SLIT2: variants seen among roughly 807,000 people sequenced by gnomAD.
SLIT2 encodes the protein slit guidance ligand 2.
SLIT2 carries 41 observed loss-of-function variants against 185.7 expected under a neutral mutation model. The ratio of observed to expected loss-of-function variants is 0.22; its 90% confidence interval spans 0.17 to 0.29. SLIT2 has a LOEUF of 0.29. Among genes scored for constraint, SLIT2 ranks in the 10% least tolerant of loss-of-function variants. The probability of loss-of-function intolerance (pLI) is 1.00; values close to 1 mark genes in which losing one functional copy is unlikely to be tolerated. For synonymous variants in SLIT2, 693 were observed against 680.2 expected (o/e 1.02, Z -0.29); for missense variants, 1,571 against 1,909.0 (o/e 0.82, Z 3.30).
chr4:20,471,566 C>T (rs1715022702), intron 5 of SLIT2, among the ~76,000 whole-genome samples: 1 of 152,154 alleles, frequency 6.6e-6, no homozygotes, highest in Non-Finnish European at 1.5e-5. Context: ...AAAGAAGCTG[C>T]CCAGGCCATA....
intron 17 of SLIT2, among the ~76,000 whole-genome samples, chr4:20,533,046 A>C (rs1284707784): frequency 2.0e-5 from 3 of 152,228 alleles, no homozygotes; most frequent in Non-Finnish European, 4.4e-5. Flanking sequence ...GCATTGTAGT[A>C]GTTGGTATCA....
chr4:20,273,457 G>A (rs188976152), intron 4 of SLIT2, among the ~76,000 whole-genome samples: 1 of 151,986 alleles, frequency 6.6e-6, no homozygotes, highest in African/African-American at 2.4e-5. Flanking sequence ...CTCTCATCAA[G>A]TGTTTGATGT....
chr4:20,458,573 A>AT (rs2148725544), intron 4 of SLIT2, among the ~76,000 whole-genome samples: 1 of 152,254 alleles, frequency 6.6e-6, no homozygotes, highest in African/African-American at 2.4e-5. Flanking sequence ...GTCCCTAGGT[A>AT]TTTTTTATGG....
intron 11 of SLIT2, among the ~76,000 whole-genome samples, chr4:20,515,541 C>G (rs1412298687): frequency 6.6e-6 from 1 of 152,114 alleles, no homozygotes; most frequent in Non-Finnish European, 1.5e-5. Context: ...GCTGTTAACT[C>G]TCCTGCCCAG....
At chr4:20,533,748 A>G (rs2148865145) in intron 18 of SLIT2, 33 bp downstream of exon 18, 1 of 1,587,770 alleles carries the variant, frequency 6.3e-7, no homozygotes, top group Non-Finnish European at 8.6e-7. Flanking sequence ...CAGTTCTTCT[A>G]CCAAAGGATT....
intron 4 of SLIT2, among the ~76,000 whole-genome samples, chr4:20,283,928 C>A (rs1427373536): frequency 6.6e-6 from 1 of 152,162 alleles, no homozygotes; most frequent in African/African-American, 2.4e-5. Flanking sequence ...TATTCTTCTC[C>A]TTTGGTTTCC....
At chr4:20,572,596 G>GT (rs1725703359) in intron 29 of SLIT2, among the ~76,000 whole-genome samples, 1 of 151,942 alleles carries the variant, frequency 6.6e-6, no homozygotes, top group Admixed American at 6.6e-5. Flanking sequence ...TGGCACCCCT[G>GT]TTTTTTTAAA....
At position 20,488,907 on chromosome 4, in the gene SLIT2, A is replaced by C. The variant is rs765587775; in HGVS notation, c.700A>C (p.Thr234Pro). Residue 234 changes from threonine (T) to proline (P), a missense_variant, in exon 8 of 37, where the codon ACT (threonine) becomes CCT (proline). Physicochemically the swap from Thr to Pro is conservative, Grantham distance 38. Transcript: ENST00000504154. ...LRQRPRVGLY[T>P]QCMGPSHLRG... ...CCAAAGGCCTCGGGTTGGTCTGTAC[A>C]CTCAGTGTATGGGCCCCTCCCACCT... 5 of 1,612,636 alleles carry C rather than the reference A, an allele frequency of 3.1e-6. No individual in the cohort carries two copies. The highest frequency in any genetic ancestry group is 4.2e-6 in the Non-Finnish European group (5 of 1,178,908).
At chr4:20,279,412 T>G (rs1244272117) in intron 4 of SLIT2, among the ~76,000 whole-genome samples, 1 of 152,188 alleles carries the variant, frequency 6.6e-6, no homozygotes, top group African/African-American at 2.4e-5. Context: ...CTTCTTTCTT[T>G]CCTCCTTCCT....
At chr4:20,305,009 G>C (rs971008720) in intron 4 of SLIT2, among the ~76,000 whole-genome samples, 1 of 152,166 alleles carries the variant, frequency 6.6e-6, no homozygotes, top group African/African-American at 2.4e-5. Flanking sequence ...TTTGTTGCTA[G>C]TACACTAGAC....
chr4:20,597,420 T>C (rs183133679), intron 32 of SLIT2, among the ~76,000 whole-genome samples: 1 of 152,260 alleles, frequency 6.6e-6, no homozygotes, highest in East Asian at 1.9e-4. Context: ...GACATGAAAT[T>C]AACAAACTCA....
intron 5 of SLIT2, among the ~76,000 whole-genome samples, chr4:20,471,040 T>C (rs10017340): frequency 2.3e-3 from 351 of 152,288 alleles, no homozygotes; most frequent in African/African-American, 7.7e-3. Flanking sequence ...ATGAGTGATG[T>C]TGATCAAAAG....
At chr4:20,581,540 C>T (rs1038671888) in intron 29 of SLIT2, among the ~76,000 whole-genome samples, 4 of 152,148 alleles carry the variant, frequency 2.6e-5, no homozygotes, top group Admixed American at 1.3e-4. Context: ...AAATCATAGA[C>T]ATTCTAGACA....
At chr4:20,525,700 A>T (rs1487289716) in intron 15 of SLIT2, among the ~76,000 whole-genome samples, 1 of 152,130 alleles carries the variant, frequency 6.6e-6, no homozygotes, top group Non-Finnish European at 1.5e-5. Flanking sequence ...ATAGAAAAAC[A>T]GCAACTCCCT....
intron 4 of SLIT2, among the ~76,000 whole-genome samples, chr4:20,366,141 C>T (rs1292230532): frequency 6.6e-6 from 1 of 152,062 alleles, no homozygotes; most frequent in Non-Finnish European, 1.5e-5. Flanking sequence ...TTCTTAATCT[C>T]ATCCATCCTC....
At chr4:20,445,358 T>A (rs949130831) in intron 4 of SLIT2, among the ~76,000 whole-genome samples, 14 of 152,220 alleles carry the variant, frequency 9.2e-5, no homozygotes, top group African/African-American at 3.4e-4. Flanking sequence ...AAAAGAATCT[T>A]AAGTGATCTT....
Position 20,362,365 on chromosome 4 carries a change from C to A in SLIT2, c.395+93484C>A, listed in dbSNP as rs572406710. ...GTCTCAAGGGAACCTGACAAGGATA[C>A]CTCGGAAGAGGCAGGCTCTCAGTGC... is the stretch of plus-strand genomic sequence containing the variant. On this transcript the variant is annotated intron_variant, in intron 4 of 36. Transcript: ENST00000504154. 5.3e-4 allele frequency among the ~76,000 whole-genome samples: 81 copies of A among 152,160 alleles called. 1 individual carries two copies. In the South Asian group the frequency reaches 0.015, roughly 28 times the overall value.
chr4:20,424,795 G>T (rs1310931382), intron 4 of SLIT2, among the ~76,000 whole-genome samples: 2 of 151,988 alleles, frequency 1.3e-5, no homozygotes, highest in Non-Finnish European at 2.9e-5. Context: ...ATTACCTTTT[G>T]TTTTCATCTC....
Position 20,561,157 on chromosome 4 carries a change from T to C in SLIT2, c.2726-6105T>C, listed in dbSNP as rs535215463. On this transcript the variant is annotated intron_variant, in intron 26 of 36. Coordinates refer to ENST00000504154, the MANE Select transcript of SLIT2 (RefSeq NM_004787.4). Reference sequence around the variant, plus strand: ...CAAAAGGGGAGGGGTCTGGTAGCCATGAGCTCAAAAGAAAGGCCAGGATAC... The same window carrying C: ...CAAAAGGGGAGGGGTCTGGTAGCCACGAGCTCAAAAGAAAGGCCAGGATAC... Among the ~76,000 whole-genome samples the C allele has an allele frequency of 4.6e-5, 7 of 151,876 alleles. No individual in the cohort carries two copies. In the East Asian group the frequency reaches 1.4e-3, roughly 29 times the overall value.
Sources: gnomAD v4.1 joint callset for allele counts (sites outside exome capture counted in the v4.1 genomes callset) on GRCh38, gnomAD v4.1.1 for gene constraint, MANE v1.5 for transcripts, NCBI Gene and HGNC (gene_info 2026-07-23, HGNC 2026-07-21) for gene names.